The following ZNF790 variants were observed in gnomAD, a reference collection of about 807,000 sequenced individuals.
ZNF790 encodes the protein zinc finger protein 790.
A neutral mutation model predicts 12.1 loss-of-function variants in ZNF790; 8 were observed. The observed-to-expected ratio is 0.66, with a 90% CI of 0.39 to 1.19. ZNF790 has a LOEUF of 1.19. Ranked by LOEUF, ZNF790 falls within the 50% of genes most tolerant of loss-of-function variation. ZNF790 has a pLI of 0.01. For synonymous variants in ZNF790, 252 were observed against 244.3 expected (o/e 1.03, Z -0.29); for missense variants, 707 against 752.2 (o/e 0.94, Z 0.70).
chr19:36,845,044 T>C (rs1364549834), intron 1 of ZNF790, among the ~76,000 whole-genome samples: 1 of 47,104 alleles, frequency 2.1e-5, no homozygotes, highest in Non-Finnish European at 3.6e-5. Flanking sequence ...CGAGACTCCG[T>C]CTCAAAAAAA....
At chr19:36,824,008 T>G (rs2071737602) in intron 2 of ZNF790, among the ~76,000 whole-genome samples, 1 of 146,756 alleles carries the variant, frequency 6.8e-6, no homozygotes. Context: ...TTTTTTTTTT[T>G]TTTTTGAGAC....
At position 36,844,347 on chromosome 19, in the gene ZNF790, C is replaced by A. The variant is rs375983161; in HGVS notation, c.-74+5655G>T. 2.3e-3 allele frequency among the ~76,000 whole-genome samples: 344 copies of A among 149,200 alleles called. 1 individual carries two copies. The highest frequency in any genetic ancestry group is 6.3e-3 in the African/African-American group (258 of 40,778). ...AAAACAAAAAACAAAAAAAAAAAAA[C>A]CCAAAAAGCCCCCAAACTCCAAACA... On this transcript the variant is annotated intron_variant, in intron 1 of 4. Transcript: ENST00000528994.
chr19:36,838,693 G>A (rs960070041), upstream of ZNF790, among the ~76,000 whole-genome samples: 2 of 152,118 alleles, frequency 1.3e-5, no homozygotes, highest in African/African-American at 4.8e-5. This position sits in a 1 kb window ranked among gnomAD's most constrained non-coding sequence, Gnocchi z 4.4. Context: ...GCCATCTTAG[G>A]CTGGAAGTAA....
chr19:36,821,270 A>G (rs907985301), intron 4 of ZNF790, among the ~76,000 whole-genome samples: 1 of 152,232 alleles, frequency 6.6e-6, no homozygotes, highest in Non-Finnish European at 1.5e-5. Context: ...GTTACAAAGT[A>G]TGAGCAGTAA....
upstream of ZNF790, among the ~76,000 whole-genome samples, chr19:36,841,861 G>T (rs892892604): frequency 2.4e-4 from 27 of 113,716 alleles, no homozygotes; most frequent in Non-Finnish European, 3.9e-4. Context: ...GGTGGGGGGT[G>T]GGGGGAGGGG....
At chr19:36,845,046 TCAAAAAAAA>T (rs2072166196) in intron 1 of ZNF790, among the ~76,000 whole-genome samples, 4 of 6,840 alleles carry the variant, frequency 5.8e-4, no homozygotes, top group African/African-American at 1.6e-3. Flanking sequence ...AGACTCCGTC[TCAAAAAAAA>T]AAAAAAAAAA....
intron 1 of ZNF790, among the ~76,000 whole-genome samples, chr19:36,827,320 A>G (rs1422473519): frequency 2.0e-5 from 3 of 151,572 alleles, no homozygotes; most frequent in African/African-American, 7.3e-5. Context: ...TCGGCCACCC[A>G]TCCGTGCACA....
intron 1 of ZNF790, among the ~76,000 whole-genome samples, chr19:36,837,188 C>T (rs543828102): frequency 1.2e-3 from 185 of 152,312 alleles, no homozygotes; most frequent in South Asian, 5.6e-3. Context: ...CATTTGTCCC[C>T]TTTTCTCATT....
At chr19:36,824,188 G>A (rs1019914682) in intron 2 of ZNF790, among the ~76,000 whole-genome samples, 1 of 151,734 alleles carries the variant, frequency 6.6e-6, no homozygotes. Flanking sequence ...TAGTAGAGAC[G>A]GGGTTTCTCC....
chr19:36,829,274 C>G (rs1198988181), intron 1 of ZNF790, among the ~76,000 whole-genome samples: 1 of 152,202 alleles, frequency 6.6e-6, no homozygotes. Context: ...GCTATCACTC[C>G]TTGGCTTCCC....
At chr19:36,841,512 C>T (rs570416520), upstream of ZNF790, among the ~76,000 whole-genome samples, 24 of 151,794 alleles carry the variant, frequency 1.6e-4, no homozygotes, top group African/African-American at 5.3e-4. Context: ...CCCAGCTACT[C>T]AGGAGGCTGA....
At chr19:36,835,893 T>C (rs989559965) in intron 1 of ZNF790, among the ~76,000 whole-genome samples, 4 of 151,922 alleles carry the variant, frequency 2.6e-5, no homozygotes, top group African/African-American at 9.7e-5. Flanking sequence ...TCACTGACTT[T>C]AAGGACCCAT....
Position 36,823,387 on chromosome 19 carries a change from A to G in ZNF790, c.134-7T>C, listed in dbSNP as rs1344109847. 1 of 1,612,754 alleles carries G rather than the reference A, an allele frequency of 6.2e-7. No individual in the cohort carries two copies. Among genetic ancestry groups the G allele is most frequent in the Admixed American group, 1.7e-5 (1 of 59,806 alleles). ...GGCTGATAAATGCAAAAACCTGCCC[A>G]GAAGATGAGAAACAGCAAAGAACCA... On this transcript the variant is annotated splice_region_variant and splice_polypyrimidine_tract_variant and intron_variant, in intron 3 of 4. Coordinates refer to ENST00000356725, the MANE Select transcript of ZNF790 (RefSeq NM_206894.4).
At chr19:36,848,097 A>G (rs1040985935) in intron 1 of ZNF790, among the ~76,000 whole-genome samples, 4 of 152,234 alleles carry the variant, frequency 2.6e-5, no homozygotes, top group Non-Finnish European at 1.5e-5. Flanking sequence ...AGGGACTAAG[A>G]CACTTCAGTT....
At chr19:36,841,409 C>T (rs1056077362), upstream of ZNF790, among the ~76,000 whole-genome samples, 18 of 152,232 alleles carry the variant, frequency 1.2e-4, no homozygotes, top group African/African-American at 4.3e-4. Flanking sequence ...CGCATGAGGT[C>T]AGGAGTTTGA....
upstream of ZNF790, among the ~76,000 whole-genome samples, chr19:36,842,158 T>A (rs563071782): frequency 3.3e-5 from 5 of 152,320 alleles, no homozygotes; most frequent in African/African-American, 1.2e-4. Flanking sequence ...ACGTCTGCTA[T>A]TGAAGTAACA....
chr19:36,831,141 A>G (rs1271298806), intron 1 of ZNF790, among the ~76,000 whole-genome samples: 9 of 9,182 alleles, frequency 9.8e-4, no homozygotes, highest in Non-Finnish European at 1.9e-3. Flanking sequence ...CCATCTCAAA[A>G]CAACAACAAC....
chr19:36,825,650 T>C lies in ZNF790; in HGVS notation c.-31A>G. 2 of 1,613,940 alleles carry C rather than the reference T, an allele frequency of 1.2e-6. No homozygotes were observed. Among genetic ancestry groups the C allele is most frequent in the Non-Finnish European group, 1.7e-6 (2 of 1,179,804 alleles). On this transcript the variant is annotated 5_prime_UTR_variant, in exon 2 of 5. Transcript: ENST00000356725. ...AACATTCCAAGTCCACCAGTCCTTC[T>C]CTGGATTCTTTCTTGGTGAGGCAGC...
chr19:36,845,060 A>AAG (rs2072166847), intron 1 of ZNF790, among the ~76,000 whole-genome samples: 2 of 149,608 alleles, frequency 1.3e-5, no homozygotes, highest in East Asian at 3.9e-4. Context: ...AAAAAAAAAA[A>AAG]AAAAAAAAAA....
Sources: allele counts gnomAD v4.1 joint callset (sites outside exome capture counted in the v4.1 genomes callset), GRCh38; gene constraint gnomAD v4.1.1; non-coding constraint Gnocchi (gnomAD v3.1); transcripts MANE v1.5; gene names NCBI Gene and HGNC (gene_info 2026-07-23, HGNC 2026-07-21).